FNDC3B: variants seen among roughly 807,000 people sequenced by gnomAD.
FNDC3B encodes the protein fibronectin type III domain containing 3B, also known as fibronectin type III domain-containing protein 3B.
FNDC3B carries 12 observed loss-of-function variants against 151.5 expected under a neutral mutation model. The ratio of observed to expected loss-of-function variants is 0.08; its 90% CI spans 0.05 to 0.13. FNDC3B has a LOEUF of 0.13. Among genes scored for constraint, FNDC3B ranks in the 10% least tolerant of loss-of-function variants. FNDC3B has a pLI of 1.00. For missense variants in FNDC3B, 1,214 were observed against 1,505.3 expected (o/e 0.81, Z 3.20); for synonymous variants, 528 against 549.0 (o/e 0.96, Z 0.54).
At chr3:172,057,908 A>AG (rs1045032681) in intron 1 of FNDC3B, among the ~76,000 whole-genome samples, 1 of 151,160 alleles carries the variant, frequency 6.6e-6, no homozygotes. Flanking sequence ...ATTTGCAGGG[A>AG]GGAAAAAAAA....
intron 6 of FNDC3B, 31 bp downstream of exon 6, chr3:172,251,572 A>T (rs1297406893): frequency 2.5e-6 from 4 of 1,569,674 alleles, no homozygotes; most frequent in Non-Finnish European, 3.5e-6. Flanking sequence ...CATAGAGTGA[A>T]TTATCAAGAC....
chr3:172,207,964 A>G (rs1352471171), intron 3 of FNDC3B, among the ~76,000 whole-genome samples: 1 of 152,050 alleles, frequency 6.6e-6, no homozygotes, highest in Non-Finnish European at 1.5e-5. Context: ...TAAAAAAAAG[A>G]TAATTCAGTA....
At chr3:172,155,826 T>TA (rs1167939805) in intron 3 of FNDC3B, among the ~76,000 whole-genome samples, 11 of 152,224 alleles carry the variant, frequency 7.2e-5, no homozygotes, top group African/African-American at 2.7e-4. Context: ...ATTAGAAAGT[T>TA]ACCCACATCA....
intron 3 of FNDC3B, among the ~76,000 whole-genome samples, chr3:172,177,682 T>C (rs1373360704): frequency 6.8e-6 from 1 of 146,536 alleles, no homozygotes; most frequent in Non-Finnish European, 1.5e-5. Context: ...AAAGGAACTT[T>C]TTCTTTTCTT....
intron 1 of FNDC3B, among the ~76,000 whole-genome samples, chr3:172,108,013 C>CA (rs1475486443): frequency 1.3e-5 from 2 of 151,874 alleles, no homozygotes; most frequent in Middle Eastern, 3.2e-3. Context: ...ACTAAAAATA[C>CA]AAAAAATAGT....
At chr3:172,332,459 C>T (rs1254973285) in intron 13 of FNDC3B, among the ~76,000 whole-genome samples, 1 of 152,230 alleles carries the variant, frequency 6.6e-6, no homozygotes, top group Admixed American at 6.5e-5. Flanking sequence ...TCTTCTCCCA[C>T]TGGAATGTGA....
At chr3:172,394,796 A>C (rs1736194080) in intron 25 of FNDC3B, among the ~76,000 whole-genome samples, 1 of 152,136 alleles carries the variant, frequency 6.6e-6, no homozygotes, top group Non-Finnish European at 1.5e-5. Flanking sequence ...AATAATAATA[A>C]ATTACAGGCC....
intron 1 of FNDC3B, among the ~76,000 whole-genome samples, chr3:172,075,232 A>G (rs1433101210): frequency 6.6e-6 from 1 of 152,200 alleles, no homozygotes; most frequent in African/African-American, 2.4e-5. Flanking sequence ...TTAAATGCCA[A>G]GAACCAGGGA....
chr3:172,060,174 C>T (rs62283783), intron 1 of FNDC3B, among the ~76,000 whole-genome samples: 13,526 of 152,168 alleles, frequency 0.089, 739 homozygotes, highest in East Asian at 0.19. Flanking sequence ...TTCTCAAATA[C>T]TATCTTTTAG....
intron 3 of FNDC3B, among the ~76,000 whole-genome samples, chr3:172,156,126 A>G (rs970410570): frequency 6.6e-5 from 10 of 152,308 alleles, no homozygotes; most frequent in African/African-American, 2.4e-4. Flanking sequence ...TTTCTGCATT[A>G]CAGATTTTCA....
At chr3:172,130,009 GGA>G (rs1466771793) in intron 2 of FNDC3B, among the ~76,000 whole-genome samples, 1 of 151,300 alleles carries the variant, frequency 6.6e-6, no homozygotes, top group Non-Finnish European at 1.5e-5. Flanking sequence ...GGAGGGAGGG[GGA>G]GAGAGAGAAA....
chr3:172,174,948 A>G (rs1340078713), intron 3 of FNDC3B, among the ~76,000 whole-genome samples: 3 of 13,060 alleles, frequency 2.3e-4, no homozygotes, highest in African/African-American at 8.5e-4. Context: ...CCCCCCCCCA[A>G]TACAATTTGC....
At chr3:172,335,318 G>T in intron 15 of FNDC3B, 2 of 373,138 alleles carry the variant, frequency 5.4e-6, no homozygotes, top group Non-Finnish European at 9.5e-6. Context: ...AATTAAAATG[G>T]ATGATTTTTA....
chr3:172,068,406 G>A (rs569604052), intron 1 of FNDC3B, among the ~76,000 whole-genome samples: 97 of 148,792 alleles, frequency 6.5e-4, no homozygotes, highest in African/African-American at 2.4e-3. Context: ...CAAGTATTTG[G>A]ACACTTTGTG....
At chr3:172,371,253 A>G (rs549230439) in intron 23 of FNDC3B, among the ~76,000 whole-genome samples, 1 of 152,332 alleles carries the variant, frequency 6.6e-6, no homozygotes, top group Admixed American at 6.5e-5. Context: ...ATATAATGCC[A>G]TTGCTACGTA....
rs553872048 is a variant in FNDC3B at position 172,115,970 on chromosome 3, T to G, written c.111+3380T>G. ...CTTCTGATTTCTGTTCTGCTGGTTC[T>G]GGATGTAATTAGGACTAGTTCTTGG... On this transcript the variant is annotated intron_variant, in intron 2 of 25. Coordinates refer to ENST00000415807, the MANE Select transcript of FNDC3B (RefSeq NM_022763.4). 2.0e-5 allele frequency among the ~76,000 whole-genome samples: 3 copies of G among 152,364 alleles called. No homozygotes were observed. The South Asian group carries it at 6.2e-4, about 32-fold the overall frequency.
At chr3:172,094,102 TCGGCA>T (rs1317715678) in intron 1 of FNDC3B, among the ~76,000 whole-genome samples, 16 of 33,752 alleles carry the variant, frequency 4.7e-4, no homozygotes, top group Admixed American at 1.1e-3. Context: ...TTCTAGAACA[TCGGCA>T]TTGTGTAACC....
chr3:172,244,143 C>G (rs62281802), intron 4 of FNDC3B, among the ~76,000 whole-genome samples: 22,358 of 152,058 alleles, frequency 0.15, 1,759 homozygotes, highest in African/African-American at 0.21. Context: ...TATTTTTTCT[C>G]CCCTTTGAAT....
chr3:172,246,119 A>G (rs373235058), intron 4 of FNDC3B, among the ~76,000 whole-genome samples: 16 of 152,272 alleles, frequency 1.1e-4, no homozygotes, highest in African/African-American at 3.6e-4. Flanking sequence ...TTTGTCCTAT[A>G]ATTAACCTCC....
Sources: gnomAD v4.1 joint callset for allele counts (sites outside exome capture counted in the v4.1 genomes callset) on GRCh38, gnomAD v4.1.1 for gene constraint, MANE v1.5 for transcripts, NCBI Gene and HGNC (gene_info 2026-07-23, HGNC 2026-07-21) for gene names.